Variants in CDH12 observed in about 807,000 individuals in gnomAD.
The protein encoded by CDH12 is cadherin-12.
Under a neutral mutation model 74.1 loss-of-function variants are expected in CDH12, and 41 were observed. The observed-to-expected ratio is 0.55, with a 90% CI of 0.43 to 0.72. The LOEUF is 0.72. Among genes scored for constraint, CDH12 ranks in the 30% least tolerant of loss-of-function variants. The pLI, the probability that CDH12 is intolerant of heterozygous loss-of-function variation, is 0.00. For synonymous variants in CDH12, 399 were observed against 355.0 expected, an observed-to-expected ratio of 1.12 and a Z score of -1.39; for missense variants, 945 against 977.2, an observed-to-expected ratio of 0.97 and a Z score of 0.44.
chr5:21,808,948 C>T (rs6865480), intron 9 of CDH12, among the ~76,000 whole-genome samples: 1,885 of 151,956 alleles, frequency 0.012, 30 homozygotes, highest in African/African-American at 0.04. Context: ...AATTTCAACA[C>T]CATTTGTTAG....
At chr5:22,100,890 GA>G (rs1561111117) in intron 4 of CDH12, among the ~76,000 whole-genome samples, 1 of 151,808 alleles carries the variant, frequency 6.6e-6, no homozygotes, top group Non-Finnish European at 1.5e-5. Context: ...GTTTTATTTA[GA>G]ACTCATTCAA....
chr5:22,223,054 A>T (rs1246029301), intron 3 of CDH12, among the ~76,000 whole-genome samples: 2 of 152,012 alleles, frequency 1.3e-5, no homozygotes, highest in Non-Finnish European at 2.9e-5. Flanking sequence ...TCTGAATTGA[A>T]GGTTTACATA....
In CDH12 at chr5:21,882,517, G is replaced by A. The variant is rs535496195; in HGVS notation, c.527-27727C>T. Reference sequence around the variant, plus strand: ...TTTGCTTTTTAAAAGTGATATATTAGCACTCTGTCCCTCACTCGCCGCCGA... The same window carrying A: ...TTTGCTTTTTAAAAGTGATATATTAACACTCTGTCCCTCACTCGCCGCCGA... On this transcript the variant is annotated intron_variant, in intron 6 of 14. Transcript: ENST00000382254. 886 of 835,172 alleles carry A rather than the reference G, an allele frequency of 1.1e-3. 8 individuals are homozygous for A. The highest frequency in any genetic ancestry group is 9.7e-5 in the Non-Finnish European group (47 of 483,838). 51.7% of individuals were successfully genotyped at this position (835,172 alleles called of 1,614,324 possible).
rs540644030 is a variant in CDH12, at chr5:22,014,397, A to T, written c.232-39012T>A. Among the ~76,000 whole-genome samples, 4 of 152,304 alleles carry T rather than the reference A, an allele frequency of 2.6e-5. No individual in the cohort carries two copies. The East Asian group carries it at 5.8e-4, about 22-fold the overall frequency. On this transcript the variant is annotated intron_variant, in intron 5 of 14. Coordinates refer to ENST00000382254, the MANE Select transcript of CDH12 (RefSeq NM_004061.5). Reference sequence around the variant, plus strand: ...CATATATGGATCCTCAGAAATATATATCTTAAACATATGATATATAAGTAT... The same window carrying T: ...CATATATGGATCCTCAGAAATATATTTCTTAAACATATGATATATAAGTAT...
At chr5:22,110,823 A>G (rs1028192442) in intron 4 of CDH12, among the ~76,000 whole-genome samples, 1 of 152,096 alleles carries the variant, frequency 6.6e-6, no homozygotes, top group Admixed American at 6.6e-5. Flanking sequence ...TTAATGTTAC[A>G]AAGGCGGTTC....
chr5:22,104,036 G>C (rs1376191698), intron 4 of CDH12, among the ~76,000 whole-genome samples: 1 of 152,104 alleles, frequency 6.6e-6, no homozygotes, highest in Non-Finnish European at 1.5e-5. Flanking sequence ...AACAGTCTCT[G>C]GTGAGGCTGC....
At chr5:21,832,749 A>G (rs1452763065) in intron 8 of CDH12, among the ~76,000 whole-genome samples, 1 of 136,964 alleles carries the variant, frequency 7.3e-6, no homozygotes. Flanking sequence ...GACACATGAT[A>G]CATATCATAT....
intron 3 of CDH12, among the ~76,000 whole-genome samples, chr5:22,302,987 A>C (rs1386075128): frequency 1.3e-5 from 2 of 152,160 alleles, no homozygotes; most frequent in African/African-American, 4.8e-5. Flanking sequence ...ATAACTAAGA[A>C]GTGTATACTG....
intron 1 of CDH12, among the ~76,000 whole-genome samples, chr5:22,700,257 C>A (rs752274063): frequency 1.2e-4 from 18 of 152,108 alleles, no homozygotes; most frequent in South Asian, 4.1e-4. Flanking sequence ...TCCCTATTAA[C>A]AAATTTATTT....
chr5:22,590,779 G>C (rs1736269601), intron 1 of CDH12, among the ~76,000 whole-genome samples: 1 of 152,130 alleles, frequency 6.6e-6, no homozygotes, highest in Non-Finnish European at 1.5e-5. Context: ...TTACACCCCA[G>C]TCAGGGCCTA....
intron 1 of CDH12, among the ~76,000 whole-genome samples, chr5:22,535,144 TTTTTTTTTTTTTTC>T (rs1310947868): frequency 3.0e-5 from 3 of 100,536 alleles, no homozygotes; most frequent in East Asian, 4.3e-4. Flanking sequence ...GCTAATTTTC[TTTTTTTTTTTTTTC>T]TTTTTTTTTT....
At chr5:22,841,141 G>T (rs952871593) in intron 1 of CDH12, among the ~76,000 whole-genome samples, 1 of 152,144 alleles carries the variant, frequency 6.6e-6, no homozygotes, top group African/African-American at 2.4e-5. Flanking sequence ...CTAATCTTTG[G>T]AGAACTAGAA....
intron 1 of CDH12, among the ~76,000 whole-genome samples, chr5:22,599,645 A>G (rs1050190201): frequency 2.0e-5 from 3 of 152,118 alleles, no homozygotes; most frequent in Admixed American, 2.0e-4. Flanking sequence ...GTCAAACACC[A>G]ATGGTATTAT....
intron 3 of CDH12, among the ~76,000 whole-genome samples, chr5:22,381,979 AT>A (rs1412294271): frequency 6.7e-6 from 1 of 149,264 alleles, no homozygotes; most frequent in African/African-American, 2.4e-5. Flanking sequence ...CAATATTCAA[AT>A]TTATATAAGT....
chr5:22,531,052 G>A (rs1252398481), intron 1 of CDH12, among the ~76,000 whole-genome samples: 1 of 151,964 alleles, frequency 6.6e-6, no homozygotes, highest in Non-Finnish European at 1.5e-5. Context: ...TCTTTGCTAT[G>A]CATGATTTTT....
chr5:22,069,868 A>C (rs1741823470), intron 5 of CDH12, among the ~76,000 whole-genome samples: 1 of 152,172 alleles, frequency 6.6e-6, no homozygotes, highest in African/African-American at 2.4e-5. Context: ...TCTAGGCAGA[A>C]CTAGTAACGG....
intron 4 of CDH12, among the ~76,000 whole-genome samples, chr5:22,121,086 A>G (rs1745488204): frequency 6.6e-6 from 1 of 152,178 alleles, no homozygotes; most frequent in Non-Finnish European, 1.5e-5. Context: ...CTTAATTCCA[A>G]ATTTAAAATT....
chr5:22,334,530 AAGACCC>A (rs1357477509), intron 3 of CDH12, among the ~76,000 whole-genome samples: 1 of 152,148 alleles, frequency 6.6e-6, no homozygotes, highest in African/African-American at 2.4e-5. Flanking sequence ...GGAAATACAA[AAGACCC>A]AGAGTAACCA....
intron 2 of CDH12, among the ~76,000 whole-genome samples, chr5:22,465,046 G>A (rs2551491): frequency 0.41 from 50,398 of 121,938 alleles, 11,019 homozygotes; most frequent in Admixed American, 0.59. Flanking sequence ...GGGGGGAAGG[G>A]AGGAAGGGAG....
Sources: gnomAD v4.1 joint callset for allele counts (sites outside exome capture counted in the v4.1 genomes callset) on GRCh38, gnomAD v4.1.1 for gene constraint, MANE v1.5 for transcripts, NCBI Gene and HGNC (gene_info 2026-07-23, HGNC 2026-07-21) for gene names.